The following GAPVD1 variants were observed in gnomAD, a reference collection of about 807,000 sequenced individuals.
GAPVD1 encodes GTPase-activating protein and VPS9 domain-containing protein 1.
A neutral mutation model predicts 155.5 loss-of-function variants in GAPVD1; 35 were observed. The observed-to-expected ratio is 0.23, with a 90% confidence interval of 0.17 to 0.30. The LOEUF is 0.30. GAPVD1 is among the 10% of genes least tolerant of loss of function. GAPVD1 has a pLI of 1.00. For synonymous variants in GAPVD1, 636 were observed against 619.7 expected (o/e 1.03, Z -0.39); for missense variants, 1,429 against 1,775.7 (o/e 0.80, Z 3.51).
In GAPVD1 at chr9:125,326,405, G is replaced by T. The variant is rs369916898; in HGVS notation, c.1859-11G>T. ...TACTATTTTAAAAGTGCTTAATTTT[G>T]TTTTTGATAGCTACAACACAGGATA... On this transcript the variant is annotated splice_polypyrimidine_tract_variant and intron_variant, in intron 11 of 27. Coordinates refer to ENST00000297933, the MANE Select transcript of GAPVD1 (RefSeq NM_001282680.3). 1.9e-6 allele frequency: 3 copies of T among 1,593,286 alleles called. No homozygotes were observed. In the African/African-American group the frequency reaches 4.0e-5, roughly 21 times the overall value.
intron 12 of GAPVD1, among the ~76,000 whole-genome samples, chr9:125,327,030 AAAAAATG>A (rs1300545283): frequency 6.6e-6 from 1 of 152,138 alleles, no homozygotes; most frequent in East Asian, 1.9e-4. Flanking sequence ...CTGTTCTCTA[AAAAAATG>A]AATTCACTTC....
At chr9:125,310,479 A>G (rs1044475926) in intron 8 of GAPVD1, among the ~76,000 whole-genome samples, 2 of 150,510 alleles carry the variant, frequency 1.3e-5, no homozygotes, top group African/African-American at 4.9e-5. Context: ...TCTATTTAGT[A>G]TTCTGGTTGT....
intron 23 of GAPVD1, among the ~76,000 whole-genome samples, chr9:125,351,790 G>C (rs1849326757): frequency 6.6e-6 from 1 of 151,370 alleles, no homozygotes. Flanking sequence ...GCCCAGGCTG[G>C]AGTGCAATGG....
Position 125,342,259 on chromosome 9 carries a change from C to G in GAPVD1, c.3006C>G (p.Asp1002Glu). 1 of 1,601,028 alleles carries G rather than the reference C, an allele frequency of 6.2e-7. No homozygotes were observed. The highest frequency in any genetic ancestry group is 2.2e-5 in the East Asian group (1 of 44,806). Residue 1002 changes from aspartate (D) to glutamate (E), a missense_variant, in exon 19 of 28, where the codon GAC becomes GAG. By Grantham distance (45) the Asp-to-Glu change is conservative. This residue lies in a region of GAPVD1 where 699 missense variants were observed against 826.0 expected (regional missense o/e 0.85). Transcript: ENST00000297933. ...GAAAGAAAGAAAAACAAGAAAAAGACAAAGATGATCTGGGGCCTGACAGAT... is the reference window on the plus strand; with the variant it reads ...GAAAGAAAGAAAAACAAGAAAAAGAGAAAGATGATCTGGGGCCTGACAGAT... Reference protein sequence around the residue: ...PFRKKEKQEKDKDDLGPDRFS... With the variant: ...PFRKKEKQEKEKDDLGPDRFS...
At chr9:125,286,445 G>C (rs1837718737) in intron 2 of GAPVD1, among the ~76,000 whole-genome samples, 1 of 151,740 alleles carries the variant, frequency 6.6e-6, no homozygotes, top group Non-Finnish European at 1.5e-5. Flanking sequence ...CTCCTGGCCA[G>C]CTCTTGACCT....
intron 9 of GAPVD1, among the ~76,000 whole-genome samples, chr9:125,313,730 T>C (rs1842990550): frequency 6.6e-6 from 1 of 152,178 alleles, no homozygotes; most frequent in African/African-American, 2.4e-5. Flanking sequence ...GCCTCCTGAG[T>C]TGCTGGTCTT....
intron 2 of GAPVD1, among the ~76,000 whole-genome samples, chr9:125,280,743 T>C (rs1319729741): frequency 6.6e-6 from 1 of 151,710 alleles, no homozygotes; most frequent in Admixed American, 6.6e-5. Flanking sequence ...GCCCAGCTAA[T>C]TTTTTGTATT....
At chr9:125,310,869 C>T (rs1588861927) in intron 8 of GAPVD1, among the ~76,000 whole-genome samples, 2 of 134,186 alleles carry the variant, frequency 1.5e-5, no homozygotes, top group South Asian at 2.5e-4. Flanking sequence ...GACGGAGTTT[C>T]GCTTTTATCG....
chr9:125,347,485 G>C (rs1473616555), intron 20 of GAPVD1, among the ~76,000 whole-genome samples: 1 of 152,280 alleles, frequency 6.6e-6, no homozygotes, highest in South Asian at 2.1e-4. Context: ...CAGCACTTTG[G>C]GGGGCCGAGG....
chr9:125,271,104 TTGTG>T (rs143471411), intron 2 of GAPVD1, among the ~76,000 whole-genome samples: 23 of 151,932 alleles, frequency 1.5e-4, no homozygotes, highest in South Asian at 8.3e-4. Flanking sequence ...CTAATACTCT[TTGTG>T]TGTGTGTGTG....
chr9:125,358,823 A>G (rs1456288640), intron 25 of GAPVD1, among the ~76,000 whole-genome samples: 1 of 152,166 alleles, frequency 6.6e-6, no homozygotes, highest in East Asian at 1.9e-4. Context: ...TTTGAAGGAG[A>G]TTATTTTTCC....
chr9:125,327,663 C>A (rs141031883), intron 12 of GAPVD1, among the ~76,000 whole-genome samples: 4,002 of 152,116 alleles, frequency 0.026, 151 homozygotes, highest in African/African-American at 0.083. Context: ...ACCACCACAC[C>A]CAGATAATTT....
intron 9 of GAPVD1, among the ~76,000 whole-genome samples, chr9:125,314,540 G>A (rs1040941044): frequency 3.3e-5 from 5 of 151,956 alleles, no homozygotes; most frequent in African/African-American, 1.2e-4. Context: ...TGTAATCCCA[G>A]CTACTTGGGA....
At chr9:125,325,294 A>G (rs3001429) in intron 11 of GAPVD1, among the ~76,000 whole-genome samples, 90,918 of 151,348 alleles carry the variant, frequency 0.6, 29,431 homozygotes, top group African/African-American at 0.87. Context: ...AGGCCAAGAC[A>G]GGCGGATCAT....
At chr9:125,355,954 A>G (rs896292156) in intron 25 of GAPVD1, 97 bp downstream of exon 25, 7 of 702,472 alleles carry the variant, frequency 1.0e-5, no homozygotes, top group African/African-American at 5.3e-5. Context: ...TTAGTGTCTG[A>G]TTGTAAAAGG....
chr9:125,357,110 A>C (rs1850194085), intron 25 of GAPVD1, among the ~76,000 whole-genome samples: 1 of 152,132 alleles, frequency 6.6e-6, no homozygotes, highest in South Asian at 2.1e-4. Flanking sequence ...ATGAGCCACC[A>C]TGCCTGGCCT....
intron 3 of GAPVD1, 147 bp from the exon 4 acceptor site, chr9:125,298,743 C>T (rs2130774427): frequency 2.2e-6 from 1 of 460,756 alleles, no homozygotes; most frequent in East Asian, 3.4e-5. Flanking sequence ...CCGCCTTGGC[C>T]TCCCAAAGTG....
Position 125,362,621 on chromosome 9 carries a change from T to G in GAPVD1, c.4258T>G (p.Leu1420Val). 6.2e-7 allele frequency: 1 copy of G among 1,605,588 alleles called. No individual in the cohort carries two copies. Among genetic ancestry groups the G allele is most frequent in the Non-Finnish European group, 8.5e-7 (1 of 1,176,214 alleles). Reference protein sequence around the residue: ...FVLIKANPPCLLSTVQYISSF... With the variant: ...FVLIKANPPCVLSTVQYISSF... Reference sequence around the variant, plus strand: ...ACTTCTCTAGGCAAATCCACCCTGTTTGCTGTCTACTGTGCAGTATATCAG... The same window carrying G: ...ACTTCTCTAGGCAAATCCACCCTGTGTGCTGTCTACTGTGCAGTATATCAG... The change falls in exon 28 of 28, where the codon TTG becomes GTG. Residue 1420 changes from leucine (L) to valine (V), a missense_variant. Around this residue, in one of 4 missense-constraint regions of GAPVD1, gnomAD observed 102 missense variants for 196.5 expected, o/e 0.52. Coordinates refer to ENST00000297933, the MANE Select transcript of GAPVD1 (RefSeq NM_001282680.3).
intron 2 of GAPVD1, among the ~76,000 whole-genome samples, chr9:125,276,791 C>T (rs930070045): frequency 1.4e-4 from 22 of 152,248 alleles, no homozygotes; most frequent in African/African-American, 5.1e-4. Context: ...GACAGGGCCT[C>T]GCTCTTGCCT....
Sources: gnomAD v4.1 joint callset for allele counts (sites outside exome capture counted in the v4.1 genomes callset) on GRCh38, gnomAD v4.1.1 for gene constraint, gnomAD v4.1.1 regional missense constraint, MANE v1.5 for transcripts, NCBI Gene and HGNC (gene_info 2026-07-23, HGNC 2026-07-21) for gene names.